The following RIMBP2 variants were observed in gnomAD, a reference collection of about 807,000 sequenced individuals.
RIMBP2 encodes RIMS binding protein 2, also known as RIMS-binding protein 2.
Under a neutral mutation model 118.6 loss-of-function variants are expected in RIMBP2, and 48 were observed. The observed-to-expected ratio is 0.40, with a 90% CI of 0.32 to 0.51. The LOEUF is 0.51. RIMBP2 is among the 20% of genes least tolerant of loss of function. The pLI, the probability that RIMBP2 is intolerant of heterozygous loss-of-function variation, is 0.41. For missense variants in RIMBP2, 1,551 were observed against 1,768.3 expected, an observed-to-expected ratio of 0.88 and a Z score of 2.20; for synonymous variants, 762 against 742.9, an observed-to-expected ratio of 1.03 and a Z score of -0.42.
chr12:130,464,466 G>A (rs1481387746), intron 6 of RIMBP2, among the ~76,000 whole-genome samples: 2 of 152,000 alleles, frequency 1.3e-5, no homozygotes, highest in Non-Finnish European at 2.9e-5. Flanking sequence ...ATAGCTCACT[G>A]GCTGAATACC....
rs1003627122 is a variant in RIMBP2 at position 130,419,707 on chromosome 12, A to C, written c.3238+2746T>G. On this transcript the variant is annotated intron_variant, in intron 17 of 22. Transcript: ENST00000690449. This position sits in a 1 kb window ranked among gnomAD's most constrained non-coding sequence, Gnocchi z 4.3. ...AGCCAAAATAACAAAAAATGGGAGA[A>C]TACAGAGGAGATATTCAGAGTTGAT... is the stretch of plus-strand genomic sequence containing the variant. The C allele has an allele frequency of 6.6e-6, 1 of 152,238 alleles. No homozygotes were observed. The highest frequency in any genetic ancestry group is 1.5e-5 in the Non-Finnish European group (1 of 68,044). 9.4% of individuals were successfully genotyped at this position (152,238 alleles called of 1,614,324 possible). A position where few individuals can be genotyped will look rare whatever the true frequency, so the allele number is the denominator to read the frequency against.
At position 130,431,990 on chromosome 12, in the gene RIMBP2, A is replaced by G. The variant is rs1190624274; in HGVS notation, c.2253+2744T>C. ...AAAATTCAGGGCCTCAGTCACACTCAGCCCCAGGTGGCCACATGTCAAGGG... is the reference window on the plus strand; with the variant it reads ...AAAATTCAGGGCCTCAGTCACACTCGGCCCCAGGTGGCCACATGTCAAGGG... On this transcript the variant is annotated intron_variant, in intron 14 of 22. Coordinates refer to ENST00000690449, the MANE Select transcript of RIMBP2 (RefSeq NM_001393629.1). This position sits in a 1 kb window ranked among gnomAD's most constrained non-coding sequence, Gnocchi z 4.0. 1 of 177,278 alleles carries G rather than the reference A, an allele frequency of 5.6e-6. No homozygotes were observed. The highest frequency in any genetic ancestry group is 2.4e-5 in the African/African-American group (1 of 41,918). 11.0% of individuals were successfully genotyped at this position (177,278 alleles called of 1,614,324 possible).
At chr12:130,655,583 A>G (rs780844719) in intron 1 of RIMBP2, among the ~76,000 whole-genome samples, 1 of 152,220 alleles carries the variant, frequency 6.6e-6, no homozygotes, top group Admixed American at 6.5e-5. Context: ...CTGAACTAAA[A>G]ATATGATCTA....
intron 10 of RIMBP2, among the ~76,000 whole-genome samples, chr12:130,443,932 G>C (rs1228898175): frequency 6.6e-6 from 1 of 152,172 alleles, no homozygotes; most frequent in Non-Finnish European, 1.5e-5. Context: ...TATGAGGTGG[G>C]TACTATTACT....
intron 4 of RIMBP2, among the ~76,000 whole-genome samples, chr12:130,495,601 C>G (rs10848117): frequency 0.52 from 79,111 of 152,038 alleles, 20,906 homozygotes; most frequent in East Asian, 0.75. Flanking sequence ...TTCATGAAAA[C>G]AAAAATAACC....
intron 1 of RIMBP2, among the ~76,000 whole-genome samples, chr12:130,680,495 T>G (rs1009913605): frequency 6.6e-6 from 1 of 152,128 alleles, no homozygotes; most frequent in African/African-American, 2.4e-5. Flanking sequence ...GAACACACAC[T>G]CAGATACACA....
chr12:130,441,828 C>T lies in RIMBP2; in HGVS notation c.1504+20G>A, dbSNP rs776806127. 2.8e-5 allele frequency: 45 copies of T among 1,602,400 alleles called. 1 individual carries two copies. The highest frequency in any genetic ancestry group is 1.2e-4 in the South Asian group (11 of 89,934). ...TGGCGTTCTCTCCCTGGGGGACCCA[C>T]GGAAGGACACAGGGCTCACCTGCAG... On this transcript the variant is annotated intron_variant, in intron 11 of 22. Coordinates refer to ENST00000690449, the MANE Select transcript of RIMBP2 (RefSeq NM_001393629.1).
chr12:130,569,044 T>C (rs1219902780), intron 2 of RIMBP2, among the ~76,000 whole-genome samples: 2 of 151,504 alleles, frequency 1.3e-5, no homozygotes, highest in African/African-American at 2.4e-5. Flanking sequence ...AGACAGGACA[T>C]CCTCATGTAT....
chr12:130,485,209 T>C (rs2082376749), intron 4 of RIMBP2, among the ~76,000 whole-genome samples: 1 of 152,358 alleles, frequency 6.6e-6, no homozygotes, highest in African/African-American at 2.4e-5. Context: ...GAAATCGGAA[T>C]GTGGCTGCTG....
At chr12:130,541,061 AGAG>A (rs1480509135) in intron 2 of RIMBP2, among the ~76,000 whole-genome samples, 1 of 152,170 alleles carries the variant, frequency 6.6e-6, no homozygotes, top group Non-Finnish European at 1.5e-5. Flanking sequence ...ACAGGATGGA[AGAG>A]GAGGAGTGAT....
intron 2 of RIMBP2, among the ~76,000 whole-genome samples, chr12:130,527,458 A>G (rs76421840): frequency 0.032 from 4,859 of 152,092 alleles, 223 homozygotes; most frequent in African/African-American, 0.11. Context: ...ACATATGCCA[A>G]TAATGCAATT....
At position 130,500,595 on chromosome 12, in the gene RIMBP2, T is replaced by C. The variant is rs377181888; in HGVS notation, c.-4+6053A>G. 1.7e-3 allele frequency among the ~76,000 whole-genome samples: 260 copies of C among 149,390 alleles called. 3 individuals are homozygous for C. Among genetic ancestry groups the C allele is most frequent in the African/African-American group, 5.9e-3 (244 of 41,290 alleles). Reference sequence around the variant, plus strand: ...ACTATTAAGACAGGCGGCACATCAGTGATATTTGGAAACAAAAAAGCCAGC... The same window carrying C: ...ACTATTAAGACAGGCGGCACATCAGCGATATTTGGAAACAAAAAAGCCAGC... On this transcript the variant is annotated intron_variant, in intron 4 of 22. Coordinates refer to ENST00000690449, the MANE Select transcript of RIMBP2 (RefSeq NM_001393629.1).
rs1352827100 is a variant in RIMBP2, at chr12:130,703,663, C to T, written c.-352+12559G>A. On this transcript the variant is annotated intron_variant, in intron 1 of 22. Transcript: ENST00000690449. The surrounding 1 kb of genome is among the most constrained non-coding windows in gnomAD (Gnocchi z 5.7). ...AACCCTGATTAGCGCTCTACATCAC[C>T]CACCGCTCAGCCTCCCCTGGGGTCG... Among the ~76,000 whole-genome samples the T allele has an allele frequency of 2.0e-5, 3 of 152,340 alleles. No homozygotes were observed. Among genetic ancestry groups the T allele is most frequent in the Admixed American group, 1.3e-4 (2 of 15,308 alleles).
chr12:130,417,002 A>G (rs2076141858), intron 17 of RIMBP2, among the ~76,000 whole-genome samples: 1 of 152,180 alleles, frequency 6.6e-6, no homozygotes, highest in Non-Finnish European at 1.5e-5. Context: ...GCTCCACATC[A>G]CTAATCATTA....
chr12:130,642,091 ACCC>A (rs889885269), intron 1 of RIMBP2, among the ~76,000 whole-genome samples: 8 of 151,904 alleles, frequency 5.3e-5, no homozygotes, highest in African/African-American at 1.9e-4. Flanking sequence ...TAACCACTGT[ACCC>A]CCAGCTTCCT....
chr12:130,634,022 G>T (rs1006402024), intron 1 of RIMBP2, among the ~76,000 whole-genome samples: 8 of 152,328 alleles, frequency 5.3e-5, no homozygotes, highest in African/African-American at 1.9e-4. Flanking sequence ...TCTGCGAATG[G>T]GAGCCGTTGG....
intron 4 of RIMBP2, among the ~76,000 whole-genome samples, chr12:130,496,959 G>A (rs1026953145): frequency 6.6e-6 from 1 of 152,160 alleles, no homozygotes; most frequent in Admixed American, 6.5e-5. Context: ...CTGGAGGCCG[G>A]AAGTCTTCAG....
chr12:130,512,676 G>A (rs914770082), intron 3 of RIMBP2, among the ~76,000 whole-genome samples: 1 of 152,146 alleles, frequency 6.6e-6, no homozygotes, highest in Non-Finnish European at 1.5e-5. Context: ...ATGTTCTCAA[G>A]GGCCAAATCA....
intron 2 of RIMBP2, among the ~76,000 whole-genome samples, chr12:130,526,052 T>A (rs1197845598): frequency 6.6e-6 from 1 of 151,950 alleles, no homozygotes; most frequent in Admixed American, 6.6e-5. Flanking sequence ...ACTCCCTTGG[T>A]CCCAAGGCCC....
Sources: allele counts gnomAD v4.1 joint callset (sites outside exome capture counted in the v4.1 genomes callset), GRCh38; gene constraint gnomAD v4.1.1; non-coding constraint Gnocchi (gnomAD v3.1); transcripts MANE v1.5; gene names NCBI Gene and HGNC (gene_info 2026-07-23, HGNC 2026-07-21).